The following CDH9 variants were observed in gnomAD, a reference collection of about 807,000 sequenced individuals.
The protein encoded by CDH9 is cadherin 9.
In CDH9, 28 loss-of-function variants were observed where a neutral mutation model predicts 70.9. The observed-to-expected ratio is 0.40, with a 90% confidence interval of 0.29 to 0.54. CDH9 has a LOEUF of 0.54. Ranked by LOEUF, CDH9 falls within the 20% of genes least tolerant of loss-of-function variation. CDH9 has a pLI of 0.59. For synonymous variants in CDH9, 409 were observed against 343.1 expected, an observed-to-expected ratio of 1.19 and a Z score of -2.12; for missense variants, 874 against 984.4, an observed-to-expected ratio of 0.89 and a Z score of 1.50.
intron 1 of CDH9, among the ~76,000 whole-genome samples, chr5:26,989,508 GTC>G (rs150867847): frequency 2.4e-3 from 358 of 146,582 alleles, no homozygotes; most frequent in African/African-American, 4.3e-3. Context: ...TCTCTTCTCT[GTC>G]TCTCTCTCTC....
intron 1 of CDH9, among the ~76,000 whole-genome samples, chr5:27,002,883 C>T (rs908138225): frequency 1.4e-4 from 21 of 151,096 alleles, no homozygotes; most frequent in Admixed American, 8.6e-4. Context: ...CAAACCTGCA[C>T]GTAGTGCACA....
chr5:26,996,435 T>C (rs2112100194), intron 1 of CDH9, among the ~76,000 whole-genome samples: 1 of 152,158 alleles, frequency 6.6e-6, no homozygotes, highest in East Asian at 1.9e-4. Context: ...CATATGTTGT[T>C]TGATTCCTAG....
chr5:26,893,390 GT>G (rs1740694063), intron 7 of CDH9, among the ~76,000 whole-genome samples: 1 of 152,114 alleles, frequency 6.6e-6, no homozygotes, highest in Non-Finnish European at 1.5e-5. Context: ...CTCACTCCCA[GT>G]ACATGGAACC....
intron 1 of CDH9, among the ~76,000 whole-genome samples, chr5:27,020,221 C>G (rs1036186515): frequency 6.6e-6 from 1 of 151,474 alleles, no homozygotes; most frequent in African/African-American, 2.4e-5. Context: ...TTTAAAAAAA[C>G]AATTATTTAA....
intron 1 of CDH9, among the ~76,000 whole-genome samples, chr5:27,017,112 G>T (rs1266200897): frequency 1.3e-5 from 2 of 151,494 alleles, no homozygotes; most frequent in African/African-American, 4.9e-5. Context: ...GTTGCTGTTT[G>T]TCATATATAT....
chr5:26,939,385 A>G (rs1741619717), intron 2 of CDH9, among the ~76,000 whole-genome samples: 1 of 151,814 alleles, frequency 6.6e-6, no homozygotes, highest in Non-Finnish European at 1.5e-5. Context: ...AAGAAATTAT[A>G]AATAACAAAT....
intron 2 of CDH9, among the ~76,000 whole-genome samples, chr5:26,916,438 G>A (rs1244138637): frequency 2.0e-5 from 3 of 151,852 alleles, no homozygotes; most frequent in Non-Finnish European, 4.4e-5. Flanking sequence ...TTTATAAGTG[G>A]ATCCCTGAAA....
chr5:27,006,536 C>G (rs1278540549), intron 1 of CDH9, among the ~76,000 whole-genome samples: 1 of 152,038 alleles, frequency 6.6e-6, no homozygotes, highest in Non-Finnish European at 1.5e-5. Flanking sequence ...ACAGGATGCT[C>G]TCTCTGGAGT....
intron 1 of CDH9, among the ~76,000 whole-genome samples, chr5:27,017,443 G>T (rs1003736568): frequency 6.6e-6 from 1 of 151,652 alleles, no homozygotes; most frequent in African/African-American, 2.4e-5. Context: ...TTTTTTTTGG[G>T]GGGGCAAGCT....
At chr5:26,973,105 G>C (rs1438949903) in intron 2 of CDH9, among the ~76,000 whole-genome samples, 1 of 152,022 alleles carries the variant, frequency 6.6e-6, no homozygotes, top group Non-Finnish European at 1.5e-5. Context: ...CTCGTGATCT[G>C]CCCGCCTCGG....
At chr5:26,976,621 G>A (rs1579488921) in intron 2 of CDH9, among the ~76,000 whole-genome samples, 1 of 151,970 alleles carries the variant, frequency 6.6e-6, no homozygotes. Context: ...GTATTTTTGT[G>A]TAAAGATGAG....
chr5:26,949,250 T>G, intron 2 of CDH9, among the ~76,000 whole-genome samples: 1 of 152,182 alleles, frequency 6.6e-6, no homozygotes, highest in East Asian at 1.9e-4. Context: ...ATGTCAAATT[T>G]CTCATCAGCT....
rs1040377325 is a variant in CDH9, at chr5:26,889,972, C to T, written c.1391-15G>A. ...TTTTGGGTTATCTGCAACGAGAACACGTGTAAGATTTCAGTCTCATTTACA... is the reference window on the plus strand; with the variant it reads ...TTTTGGGTTATCTGCAACGAGAACATGTGTAAGATTTCAGTCTCATTTACA... On this transcript the variant is annotated splice_polypyrimidine_tract_variant and intron_variant, in intron 8 of 11. Coordinates refer to ENST00000231021, the MANE Select transcript of CDH9 (RefSeq NM_016279.4). 1.6e-5 allele frequency: 25 copies of T among 1,607,712 alleles called. No individual in the cohort carries two copies. Among genetic ancestry groups the T allele is most frequent in the East Asian group, 4.5e-5 (2 of 44,604 alleles).
intron 2 of CDH9, among the ~76,000 whole-genome samples, chr5:26,940,454 T>C (rs1403197891): frequency 1.3e-5 from 2 of 152,268 alleles, no homozygotes; most frequent in East Asian, 3.9e-4. Flanking sequence ...TTGAAGAATA[T>C]GCAGGGCCAG....
intron 3 of CDH9, among the ~76,000 whole-genome samples, chr5:26,908,632 C>T (rs1167260988): frequency 1.3e-5 from 2 of 152,054 alleles, no homozygotes; most frequent in East Asian, 1.9e-4. Context: ...ATTTTAATTT[C>T]GATTATTAGC....
rs577045089 is a variant in CDH9, at chr5:26,982,024, T to C, written c.228+6082A>G. ...TCTCTCCATACCCTTCTGAAGATAA[T>C]GTCACTTCTGTCACTTGTTGTTTCC... On this transcript the variant is annotated intron_variant, in intron 2 of 11. Transcript: ENST00000231021. Among the ~76,000 whole-genome samples, 6 of 152,210 alleles carry C rather than the reference T, an allele frequency of 3.9e-5. No homozygotes were observed. The South Asian group carries it at 1.2e-3, about 32-fold the overall frequency.
rs77526861 is a variant in CDH9 at position 26,993,472 on chromosome 5, C to A, written c.-49-5090G>T. On this transcript the variant is annotated intron_variant, in intron 1 of 11. Transcript: ENST00000231021. Reference sequence around the variant, plus strand: ...TTTAAAGATCTGAAAAATTTTCAGGCTATTCATATTGCAAAAATGAGAAAG... The same window carrying A: ...TTTAAAGATCTGAAAAATTTTCAGGATATTCATATTGCAAAAATGAGAAAG... Among the ~76,000 whole-genome samples, 216 of 152,004 alleles carry A rather than the reference C, an allele frequency of 1.4e-3. 3 individuals carry two copies. In the East Asian group the frequency reaches 0.037, roughly 26 times the overall value.
intron 2 of CDH9, among the ~76,000 whole-genome samples, chr5:26,970,381 A>C (rs1009129766): frequency 1.3e-5 from 2 of 152,046 alleles, no homozygotes; most frequent in African/African-American, 4.8e-5. Flanking sequence ...ACAGTAAAGA[A>C]TAATCCTATT....
chr5:27,018,461 G>A (rs11948814), intron 1 of CDH9, among the ~76,000 whole-genome samples: 71,091 of 151,480 alleles, frequency 0.47, 17,525 homozygotes, highest in African/African-American at 0.51. Flanking sequence ...TCATTTCTAA[G>A]ATTCCACTAT....
Sources: gnomAD v4.1 joint callset for allele counts (sites outside exome capture counted in the v4.1 genomes callset) on GRCh38, gnomAD v4.1.1 for gene constraint, MANE v1.5 for transcripts, NCBI Gene and HGNC (gene_info 2026-07-23, HGNC 2026-07-21) for gene names.